TM9SF2: variants seen among roughly 807,000 people sequenced by gnomAD.
TM9SF2 encodes the protein 76 kDa membrane protein.
A neutral mutation model predicts 84.9 loss-of-function variants in TM9SF2; 13 were observed. That is an observed-to-expected ratio of 0.15 (90% CI 0.10 to 0.24). The LOEUF (loss-of-function observed/expected upper bound fraction) is 0.24. Ranked by LOEUF, TM9SF2 falls within the 10% of genes least tolerant of loss-of-function variation. TM9SF2 has a pLI of 1.00. For synonymous variants in TM9SF2, 273 were observed against 285.8 expected (o/e 0.96, Z 0.45); for missense variants, 562 against 818.5 (o/e 0.69, Z 3.82).
intron 1 of TM9SF2, among the ~76,000 whole-genome samples, chr13:99,503,315 T>G (rs1331890855): frequency 1.3e-5 from 2 of 152,164 alleles, no homozygotes; most frequent in African/African-American, 4.8e-5. Context: ...TATGAACAGA[T>G]TATTGAAATC....
chr13:99,558,198 G>T (rs1485639578), intron 15 of TM9SF2, among the ~76,000 whole-genome samples: 1 of 152,198 alleles, frequency 6.6e-6, no homozygotes, highest in Non-Finnish European at 1.5e-5. Context: ...CCTTAGGCCT[G>T]TACCACACTA....
Position 99,537,836 on chromosome 13 carries a change from T to C in TM9SF2, c.689T>C (p.Leu230Ser). Residue 230 changes from leucine to serine, a missense_variant, in exon 6 of 17, where the codon TTA becomes TCA. Physicochemically the swap from Leu to Ser is moderately radical, Grantham distance 145. Around this residue, in one of 4 missense-constraint regions of TM9SF2, gnomAD observed 267 missense variants for 316.7 expected, o/e 0.84. Transcript: ENST00000376387. ...GAAACTGGGTCCATGGGAGCAAGAT[T>C]AGTGGCTGCTAAACTTGAACCGAAA... ...VVETGSMGAR[L>S]VAAKLEPKSF... is the part of the protein sequence containing the mutation. 6.2e-7 allele frequency: 1 copy of C among 1,608,034 alleles called. No individual in the cohort carries two copies. The highest frequency in any genetic ancestry group is 8.5e-7 in the Non-Finnish European group (1 of 1,178,756).
intron 16 of TM9SF2, among the ~76,000 whole-genome samples, chr13:99,561,341 A>T (rs2046344256): frequency 6.6e-6 from 1 of 152,236 alleles, no homozygotes; most frequent in African/African-American, 2.4e-5. Flanking sequence ...CATATTAAGA[A>T]CAAAATTAAG....
intron 1 of TM9SF2, among the ~76,000 whole-genome samples, chr13:99,504,308 A>G (rs1446336701): frequency 6.6e-6 from 1 of 152,218 alleles, no homozygotes; most frequent in Non-Finnish European, 1.5e-5. Context: ...AGATGCTGTT[A>G]AGTTAGTGAA....
intron 15 of TM9SF2, among the ~76,000 whole-genome samples, chr13:99,556,192 G>A (rs182037437): frequency 4.6e-4 from 70 of 151,956 alleles, no homozygotes; most frequent in Admixed American, 4.1e-3. Context: ...GTCTATATTG[G>A]AGAAAAAGCT....
In TM9SF2 at chr13:99,562,947, A is replaced by G. The variant is rs1401283402; in HGVS notation, c.*189A>G. 2.0e-6 allele frequency: 1 copy of G among 491,268 alleles called. No individual in the cohort carries two copies. The highest frequency in any genetic ancestry group is 3.6e-6 in the Non-Finnish European group (1 of 280,078). The allele number at this position is 491,268 out of a possible 1,614,324, so 30.4% of individuals were successfully genotyped here. A position where few individuals can be genotyped will look rare whatever the true frequency, so the allele number is the denominator to read the frequency against. Reference sequence around the variant, plus strand: ...AGATGTGTCTTCAACACTATAAAGCATTTGTATTGTGATTTGATTAAGTAT... The same window carrying G: ...AGATGTGTCTTCAACACTATAAAGCGTTTGTATTGTGATTTGATTAAGTAT... On this transcript the variant is annotated 3_prime_UTR_variant, in exon 17 of 17. Coordinates refer to ENST00000376387, the MANE Select transcript of TM9SF2 (RefSeq NM_004800.3).
At chr13:99,544,615 T>A (rs2046275386) in intron 10 of TM9SF2, among the ~76,000 whole-genome samples, 1 of 152,156 alleles carries the variant, frequency 6.6e-6, no homozygotes, top group Non-Finnish European at 1.5e-5. Context: ...TACCCAGGCA[T>A]CGTGGGCAGG....
At chr13:99,531,528 G>A (rs932662444) in intron 4 of TM9SF2, among the ~76,000 whole-genome samples, 1 of 152,088 alleles carries the variant, frequency 6.6e-6, no homozygotes, top group South Asian at 2.1e-4. Flanking sequence ...ACCCTGGGTT[G>A]CTGAGTCCTG....
At chr13:99,512,561 G>A (rs559817447) in intron 1 of TM9SF2, among the ~76,000 whole-genome samples, 2 of 152,266 alleles carry the variant, frequency 1.3e-5, no homozygotes, top group Admixed American at 1.3e-4. Flanking sequence ...AAAACCCCCC[G>A]TGGGCTATGT....
At chr13:99,548,621 T>C (rs545766159) in intron 11 of TM9SF2, among the ~76,000 whole-genome samples, 3 of 152,278 alleles carry the variant, frequency 2.0e-5, no homozygotes, top group South Asian at 4.1e-4. Flanking sequence ...AAACATATAT[T>C]AGCAAACATG....
chr13:99,529,682 A>G (rs1374021235), intron 4 of TM9SF2, 88 bp downstream of exon 4: 1 of 1,293,656 alleles, frequency 7.7e-7, no homozygotes, highest in Non-Finnish European at 1.0e-6. Flanking sequence ...TTGATTGTGT[A>G]AAATATAGCA....
chr13:99,521,701 T>C (rs138520022), intron 3 of TM9SF2, among the ~76,000 whole-genome samples: 1 of 151,734 alleles, frequency 6.6e-6, no homozygotes, highest in East Asian at 1.9e-4. Context: ...TCAAATATTC[T>C]TTTTTTTTCT....
rs199690264 is a variant in TM9SF2, at chr13:99,517,679, A to G, written c.237A>G (p.Thr79=). 5.7e-5 allele frequency: 90 copies of G among 1,576,856 alleles called. No homozygotes were observed. The African/African-American group carries it at 7.5e-4, about 13-fold the overall frequency. Residue 79 remains threonine, a splice_region_variant and synonymous_variant, in exon 2 of 17, where the codon ACA becomes ACG. Coordinates refer to ENST00000376387, the MANE Select transcript of TM9SF2 (RefSeq NM_004800.3). The part of the protein sequence containing the change: ...SVESVLPYEY[T]AFDFCQASEG... Reference sequence around the variant, plus strand: ...AATCAGTTCTTCCTTATGAATACACAGCGTAAGTTTTTCAGCTTGGCTTTT... The same window carrying G: ...AATCAGTTCTTCCTTATGAATACACGGCGTAAGTTTTTCAGCTTGGCTTTT...
chr13:99,526,373 A>G (rs9557251), intron 3 of TM9SF2, among the ~76,000 whole-genome samples: 84,142 of 152,130 alleles, frequency 0.55, 24,291 homozygotes, highest in East Asian at 0.7. Context: ...AGAAGAACAC[A>G]GGATGTGAGG....
intron 8 of TM9SF2, among the ~76,000 whole-genome samples, chr13:99,541,013 G>A (rs180780470): frequency 2.8e-4 from 43 of 152,328 alleles, no homozygotes; most frequent in African/African-American, 9.4e-4. Context: ...ATTGTTGTGA[G>A]GATTAAAGGA....
intron 6 of TM9SF2, 127 bp downstream of exon 6, chr13:99,537,990 T>G: frequency 4.6e-6 from 6 of 1,290,826 alleles, no homozygotes; most frequent in Non-Finnish European, 6.2e-6. Flanking sequence ...AAACTCCCTT[T>G]GGCATGATTT....
At position 99,541,620 on chromosome 13, in the gene TM9SF2, C is replaced by A; in HGVS notation, c.970C>A (p.Arg324=). ...LSGMVAMIML[R]TLHKDIARYN... is the part of the protein sequence containing the mutation. ...TGGAATGGTAGCTATGATTATGTTA[C>A]GGACACTGCACAAAGATATTGCTAG... Residue 324 remains arginine (R), a synonymous_variant, in exon 9 of 17, where the codon CGG becomes AGG. Coordinates refer to ENST00000376387, the MANE Select transcript of TM9SF2 (RefSeq NM_004800.3). The A allele has an allele frequency of 6.2e-7, 1 of 1,613,162 alleles. No homozygotes were observed.
chr13:99,541,155 C>T (rs1335904300), intron 8 of TM9SF2, among the ~76,000 whole-genome samples: 1 of 152,208 alleles, frequency 6.6e-6, no homozygotes, highest in Non-Finnish European at 1.5e-5. Flanking sequence ...TAGAGTTGTT[C>T]ATGTTGCCAT....
Position 99,536,836 on chromosome 13 carries a change from G to A in TM9SF2, c.591+99G>A, listed in dbSNP as rs183979964. 5 of 1,346,778 alleles carry A rather than the reference G, an allele frequency of 3.7e-6. No individual in the cohort carries two copies. The African/African-American group carries it at 5.8e-5, about 16-fold the overall frequency. The allele number at this position is 1,346,778 out of a possible 1,614,324, so 83.4% of individuals were successfully genotyped here. On this transcript the variant is annotated intron_variant, in intron 5 of 16. Transcript: ENST00000376387. ...AAATTGTTATATTCATTGAATGAGT[G>A]TACAGTTCAGATGTTCTGAAGTACA...
Sources: gnomAD v4.1 joint callset for allele counts (sites outside exome capture counted in the v4.1 genomes callset) on GRCh38, gnomAD v4.1.1 for gene constraint, gnomAD v4.1.1 regional missense constraint, MANE v1.5 for transcripts, NCBI Gene and HGNC (gene_info 2026-07-23, HGNC 2026-07-21) for gene names.